Variants in PACSIN2 observed in about 807,000 individuals in gnomAD.
PACSIN2 encodes protein kinase C and casein kinase substrate in neurons 2, also known as protein kinase C and casein kinase substrate in neurons protein 2.
Under a neutral mutation model 63.8 loss-of-function variants are expected in PACSIN2, and 25 were observed. The ratio of observed to expected loss-of-function variants is 0.39; its 90% CI spans 0.29 to 0.55. PACSIN2 has a LOEUF of 0.55. PACSIN2 is among the 20% of genes least tolerant of loss of function. The probability of loss-of-function intolerance (pLI) is 0.62; values close to 1 mark genes in which losing one functional copy is unlikely to be tolerated. For synonymous variants in PACSIN2, 255 were observed against 256.2 expected, an observed-to-expected ratio of 1.00 and a Z score of 0.05; for missense variants, 518 against 646.9, an observed-to-expected ratio of 0.80 and a Z score of 2.16.
rs979384311 is a variant in PACSIN2 at position 42,997,555 on chromosome 22, CA to C, written c.-78+17465del. The stretch of plus-strand genomic sequence containing the variant: ...CCTGGGCGACAGCGAGACTCCGTCT[CA>C]AAAAAAAAAACAATAAATAATAAAT... On this transcript the variant is annotated intron_variant, in intron 1 of 10. Coordinates refer to ENST00000263246, the MANE Select transcript of PACSIN2 (RefSeq NM_001184970.3). 4.5e-4 allele frequency among the ~76,000 whole-genome samples: 55 copies of C among 121,540 alleles called. No individual in the cohort carries two copies. The East Asian group carries it at 6.4e-3, about 14-fold the overall frequency. The allele number at this position is 121,540 out of a possible 152,430, so 79.7% of individuals were successfully genotyped here.
At chr22:42,901,603 C>T (rs939415734) in intron 2 of PACSIN2, among the ~76,000 whole-genome samples, 9 of 152,272 alleles carry the variant, frequency 5.9e-5, no homozygotes, top group Admixed American at 5.2e-4. Context: ...GACCAAATGG[C>T]CCAGGATAGG....
intron 1 of PACSIN2, among the ~76,000 whole-genome samples, chr22:42,975,597 T>C (rs1388043221): frequency 1.4e-5 from 2 of 141,396 alleles, no homozygotes; most frequent in Admixed American, 7.6e-5. Flanking sequence ...TACAGATACA[T>C]GTGTATAAGT....
intron 1 of PACSIN2, among the ~76,000 whole-genome samples, chr22:42,955,015 T>C (rs1472009058): frequency 2.0e-5 from 3 of 152,264 alleles, no homozygotes; most frequent in Non-Finnish European, 4.4e-5. Flanking sequence ...TCCCGCTGCT[T>C]CTCTTGGGTA....
At chr22:42,978,285 G>C (rs1921845530) in intron 1 of PACSIN2, among the ~76,000 whole-genome samples, 2 of 152,154 alleles carry the variant, frequency 1.3e-5, no homozygotes, top group Admixed American at 6.5e-5. Context: ...AGAAAGTTGT[G>C]GAAGGCTCTG....
intron 1 of PACSIN2, among the ~76,000 whole-genome samples, chr22:42,922,412 GT>G (rs67887881): frequency 0.33 from 50,880 of 152,170 alleles, 10,256 homozygotes; most frequent in Non-Finnish European, 0.45. Context: ...AACATTCTGA[GT>G]AAAAAGACCA....
chr22:42,997,270 G>A (rs960018979), intron 1 of PACSIN2, among the ~76,000 whole-genome samples: 2 of 152,204 alleles, frequency 1.3e-5, no homozygotes, highest in African/African-American at 4.8e-5. Context: ...TACATAAATG[G>A]GGATTTGGCC....
At chr22:42,947,021 G>A (rs1933455060) in intron 1 of PACSIN2, 1 of 152,446 alleles carries the variant, frequency 6.6e-6, no homozygotes, top group South Asian at 2.1e-4. Context: ...CTCCGTCAGA[G>A]GCACCTGCCC....
intron 1 of PACSIN2, among the ~76,000 whole-genome samples, chr22:42,935,121 T>C (rs542046734): frequency 6.6e-6 from 1 of 151,654 alleles, no homozygotes; most frequent in East Asian, 1.9e-4. Flanking sequence ...GAGTCGGGGT[T>C]TCACTGTTTT....
At chr22:42,942,935 C>T (rs924627481) in intron 1 of PACSIN2, among the ~76,000 whole-genome samples, 1 of 152,138 alleles carries the variant, frequency 6.6e-6, no homozygotes, top group Middle Eastern at 3.2e-3. Flanking sequence ...TGGCTTGTTG[C>T]TTTGGGATTT....
At chr22:42,935,706 C>G (rs957382074) in intron 1 of PACSIN2, among the ~76,000 whole-genome samples, 1 of 152,020 alleles carries the variant, frequency 6.6e-6, no homozygotes, top group Admixed American at 6.5e-5. Context: ...AACTTGAGAA[C>G]AGGTTCACGG....
chr22:42,927,109 G>A (rs755785661), intron 1 of PACSIN2, among the ~76,000 whole-genome samples: 6 of 152,130 alleles, frequency 3.9e-5, no homozygotes, highest in Non-Finnish European at 7.4e-5. Flanking sequence ...ACCAGCCTCC[G>A]CTCTCCTCAT....
chr22:42,987,507 T>G (rs1032968449), intron 1 of PACSIN2, among the ~76,000 whole-genome samples: 3 of 132,136 alleles, frequency 2.3e-5, no homozygotes, highest in African/African-American at 8.6e-5. Context: ...TGGCACCATG[T>G]TCAGAAGACG....
At chr22:42,995,728 T>TC (rs1160251210) in intron 1 of PACSIN2, among the ~76,000 whole-genome samples, 12 of 152,240 alleles carry the variant, frequency 7.9e-5, no homozygotes, top group African/African-American at 2.9e-4. Context: ...TAAAGCACAT[T>TC]CCACCCATGT....
chr22:42,982,866 C>T (rs1465565497), intron 1 of PACSIN2, among the ~76,000 whole-genome samples: 632 of 26,730 alleles, frequency 0.024, 16 homozygotes, highest in African/African-American at 0.091. Context: ...AAAGAATGAT[C>T]AATAAAAAAA....
At chr22:42,935,543 C>T (rs928483431) in intron 1 of PACSIN2, among the ~76,000 whole-genome samples, 34 of 152,300 alleles carry the variant, frequency 2.2e-4, no homozygotes, top group African/African-American at 8.2e-4. Flanking sequence ...ACTTAGGCAA[C>T]ACTTAAAATG....
intron 1 of PACSIN2, among the ~76,000 whole-genome samples, chr22:42,991,238 T>C (rs1923019553): frequency 6.6e-6 from 1 of 152,186 alleles, no homozygotes; most frequent in Admixed American, 6.5e-5. Flanking sequence ...TGAACTTGTG[T>C]TAACCCCTCC....
In PACSIN2 at chr22:43,010,398, A is replaced by ATATTTTTTTT; in HGVS notation, c.-78+4622_-78+4623insAAAAAAAATA. On this transcript the variant is annotated intron_variant, in intron 1 of 10. Transcript: ENST00000263246. ...TGTTTAAAAATACATATATATATAT[A>ATATTTTTTTT]TTTTTTTTTAATTGAAAATAAAAAA... Among the ~76,000 whole-genome samples, 127 of 126,402 alleles carry ATATTTTTTTT rather than the reference A, an allele frequency of 1.0e-3. 1 individual carries two copies. The highest frequency in any genetic ancestry group is 2.9e-3 in the African/African-American group (101 of 35,354). 82.9% of individuals were successfully genotyped at this position (126,402 alleles called of 152,430 possible).
rs544491164 is a variant in PACSIN2 at position 43,004,469 on chromosome 22, G to A, written c.-78+10552C>T. Among the ~76,000 whole-genome samples the A allele has an allele frequency of 5.3e-5, 8 of 152,216 alleles. No individual in the cohort carries two copies. The East Asian group carries it at 5.8e-4, about 11-fold the overall frequency. On this transcript the variant is annotated intron_variant, in intron 1 of 10. Transcript: ENST00000263246. ...GCTTAATTAAAGCATCACCACGTGC[G>A]AGCTAAGTGGCGAGCAGGCAGCCAG...
chr22:42,986,873 C>T (rs1329027273), intron 1 of PACSIN2, among the ~76,000 whole-genome samples: 1 of 152,168 alleles, frequency 6.6e-6, no homozygotes, highest in East Asian at 1.9e-4. Flanking sequence ...TGTGGTCTCA[C>T]CTTTCTCTTC....
Sources: gnomAD v4.1 joint callset for allele counts (sites outside exome capture counted in the v4.1 genomes callset) on GRCh38, gnomAD v4.1.1 for gene constraint, MANE v1.5 for transcripts, NCBI Gene and HGNC (gene_info 2026-07-23, HGNC 2026-07-21) for gene names.